The following IP6K2 variants were observed in gnomAD, a reference collection of about 807,000 sequenced individuals.
IP6K2 encodes the protein ATP:1D-myo-inositol-hexakisphosphate phosphotransferase.
A neutral mutation model predicts 43.3 loss-of-function variants in IP6K2; 9 were observed. The observed-to-expected ratio is 0.21, with a 90% CI of 0.13 to 0.36. The LOEUF (loss-of-function observed/expected upper bound fraction) is 0.36, where lower values mean the gene tolerates loss of function less well. Ranked by LOEUF, IP6K2 falls within the 10% of genes least tolerant of loss-of-function variation. The probability of loss-of-function intolerance (pLI) is 1.00; values close to 1 mark genes in which losing one functional copy is unlikely to be tolerated. For synonymous variants in IP6K2, 209 were observed against 202.4 expected, an observed-to-expected ratio of 1.03 and a Z score of -0.28; for missense variants, 332 against 538.4, an observed-to-expected ratio of 0.62 and a Z score of 3.79.
At chr3:48,705,638 G>A (rs916400232) in intron 1 of IP6K2, among the ~76,000 whole-genome samples, 1 of 150,118 alleles carries the variant, frequency 6.7e-6, no homozygotes, top group Non-Finnish European at 1.5e-5. Context: ...GGATGACAGA[G>A]CAGGACACTG....
Position 48,695,420 on chromosome 3 carries a change from T to C in IP6K2, c.-129A>G, listed in dbSNP as rs2078220765. ...TTGGCTTGTTCTGGCCAGGATGCTC[T>C]GCTGGAAGCAAACAAAATGATGACA... is the stretch of plus-strand genomic sequence containing the variant. On this transcript the variant is annotated splice_region_variant and 5_prime_UTR_variant, in exon 2 of 6. Coordinates refer to ENST00000328631, the MANE Select transcript of IP6K2 (RefSeq NM_016291.4). This position sits in a 1 kb window ranked among gnomAD's most constrained non-coding sequence, Gnocchi z 4.6. 2 of 1,425,400 alleles carry C rather than the reference T, an allele frequency of 1.4e-6. No homozygotes were observed. Among genetic ancestry groups the C allele is most frequent in the Admixed American group, 5.5e-5 (2 of 36,042 alleles). The allele number at this position is 1,425,400 out of a possible 1,614,324, so 88.3% of individuals were successfully genotyped here.
chr3:48,709,378 C>T (rs1038843499), intron 1 of IP6K2, among the ~76,000 whole-genome samples: 7 of 152,252 alleles, frequency 4.6e-5, no homozygotes, highest in African/African-American at 1.4e-4. Context: ...GTCCTTTCAA[C>T]ATCTCGCTTA....
chr3:48,714,366 CCTTT>C (rs1219835339), intron 1 of IP6K2, among the ~76,000 whole-genome samples: 3 of 151,770 alleles, frequency 2.0e-5, no homozygotes, highest in Non-Finnish European at 2.9e-5. Context: ...CACGCTCGGC[CCTTT>C]CTTTTTCCTT....
chr3:48,713,930 A>AAC (rs34549168), intron 1 of IP6K2, among the ~76,000 whole-genome samples: 20,236 of 151,954 alleles, frequency 0.13, 1,491 homozygotes, highest in African/African-American at 0.2. Context: ...CAGCCTGGCC[A>AAC]ACATGGTGAA....
intron 4 of IP6K2, 58 bp from the exon 5 acceptor site, chr3:48,689,771 C>G: frequency 6.8e-7 from 1 of 1,481,152 alleles, no homozygotes; most frequent in South Asian, 1.2e-5. Flanking sequence ...GTCCTTGGCA[C>G]TCTCAAGGTA....
At chr3:48,694,730 A>AC (rs1156868826) in intron 2 of IP6K2, 24 of 1,508,462 alleles carry the variant, frequency 1.6e-5, no homozygotes, top group Non-Finnish European at 1.8e-5. Flanking sequence ...GGAGGACAAA[A>AC]AGCAGGCGGC....
chr3:48,693,870 G>A, intron 2 of IP6K2: 1 of 1,192,240 alleles, frequency 8.4e-7, no homozygotes, highest in Non-Finnish European at 1.0e-6. Flanking sequence ...CAGACATGTG[G>A]TGGCCTTGAA....
intron 1 of IP6K2, among the ~76,000 whole-genome samples, chr3:48,710,350 C>T (rs1252005625): frequency 6.6e-6 from 1 of 152,206 alleles, no homozygotes; most frequent in African/African-American, 2.4e-5. Context: ...TGAGATTGTG[C>T]CACTGCACTC....
chr3:48,697,488 ATTTTTTT>A (rs35746542), intron 1 of IP6K2, among the ~76,000 whole-genome samples: 43 of 64,326 alleles, frequency 6.7e-4, no homozygotes, highest in South Asian at 2.1e-3. Context: ...ATGCCTGGCT[ATTTTTTT>A]TTTTTTTTTT....
At position 48,707,680 on chromosome 3, in the gene IP6K2, C is replaced by T. The variant is rs185240304; in HGVS notation, c.-131+9477G>A. Among the ~76,000 whole-genome samples, 139 of 152,154 alleles carry T rather than the reference C, an allele frequency of 9.1e-4. 1 individual carries two copies. Among genetic ancestry groups the T allele is most frequent in the Non-Finnish European group, 1.3e-3 (86 of 68,030 alleles). ...CTCAAACTCCCAGCCTCAGGTGATCCGCCCCCCTTGGCCTCCCAAAGTGCT... is the reference window on the plus strand; with the variant it reads ...CTCAAACTCCCAGCCTCAGGTGATCTGCCCCCCTTGGCCTCCCAAAGTGCT... On this transcript the variant is annotated intron_variant, in intron 1 of 5. Coordinates refer to ENST00000328631, the MANE Select transcript of IP6K2 (RefSeq NM_016291.4).
At chr3:48,702,163 A>G (rs1383727357) in intron 1 of IP6K2, among the ~76,000 whole-genome samples, 3 of 150,796 alleles carry the variant, frequency 2.0e-5, no homozygotes, top group Admixed American at 6.6e-5. Context: ...CCCAGGAGGC[A>G]GAGGTTGCAG....
At chr3:48,699,899 C>T (rs929935854) in intron 1 of IP6K2, 1 of 152,064 alleles carries the variant, frequency 6.6e-6, no homozygotes, top group African/African-American at 2.4e-5. Flanking sequence ...CAGAATACAA[C>T]AAAATATGGC....
At chr3:48,715,271 C>A in intron 1 of IP6K2, 2 of 1,535,508 alleles carry the variant, frequency 1.3e-6, no homozygotes, top group South Asian at 2.4e-5. Flanking sequence ...AAAATTCTTC[C>A]CCAGTGCATC....
At position 48,695,330 on chromosome 3, in the gene IP6K2, G is replaced by C; in HGVS notation, c.-39C>G. 6.3e-7 allele frequency: 1 copy of C among 1,585,596 alleles called. No individual in the cohort carries two copies. Among genetic ancestry groups the C allele is most frequent in the Non-Finnish European group, 8.6e-7 (1 of 1,165,108 alleles). ...ATGGCGGGGAGATGGGGGAGGCAGC[G>C]GAGTCCAGCGGCCAGTACGTCTTCT... On this transcript the variant is annotated 5_prime_UTR_variant, in exon 2 of 6. Transcript: ENST00000328631. The surrounding 1 kb of genome is among the most constrained non-coding windows in gnomAD (Gnocchi z 4.6).
At position 48,689,727 on chromosome 3, in the gene IP6K2, A is replaced by C; in HGVS notation, c.605-14T>G. 6.2e-7 allele frequency: 1 copy of C among 1,611,420 alleles called. No homozygotes were observed. Among genetic ancestry groups the C allele is most frequent in the African/African-American group, 1.3e-5 (1 of 74,998 alleles). ...GTAAGATAAATTCTGAGTAGTTAAG[A>C]ATAATACCCCCAAAAGGAAGTGCTA... is the stretch of plus-strand genomic sequence containing the variant. On this transcript the variant is annotated splice_polypyrimidine_tract_variant and intron_variant, in intron 4 of 5. Transcript: ENST00000328631.
At chr3:48,694,078 C>T in intron 2 of IP6K2, 7 of 1,466,050 alleles carry the variant, frequency 4.8e-6, no homozygotes. Flanking sequence ...CAGGGGAATG[C>T]GTGCTCAGAG....
chr3:48,688,327 C>T lies in IP6K2; in HGVS notation c.1227G>A (p.Gly409=). The change falls in exon 6 of 6, where the codon GGG becomes GGA. Residue 409 remains glycine (G), a synonymous_variant. Coordinates refer to ENST00000328631, the MANE Select transcript of IP6K2 (RefSeq NM_016291.4). The surrounding 1 kb of genome is among the most constrained non-coding windows in gnomAD (Gnocchi z 5.1). ...TGACAATGTCTATCAGGCTCTGGAG[C>T]CCGAAGATATAGCCAGCATCCTGGC... ...HEGQDAGYIF[G]LQSLIDIVTE... is the part of the protein sequence containing the mutation. 1.2e-6 allele frequency: 2 copies of T among 1,614,232 alleles called. No individual in the cohort carries two copies. The highest frequency in any genetic ancestry group is 1.7e-6 in the Non-Finnish European group (2 of 1,180,040).
intron 2 of IP6K2, chr3:48,694,032 C>T (rs1432710075): frequency 7.0e-6 from 10 of 1,425,056 alleles, no homozygotes; most frequent in Non-Finnish European, 9.2e-6. Flanking sequence ...CCTCTCTGCC[C>T]CAGCATCACT....
At position 48,688,460 on chromosome 3, in the gene IP6K2, C is replaced by T. The variant is rs1046234047; in HGVS notation, c.1094G>A (p.Gly365Asp). Residue 365 changes from glycine to aspartate, a missense_variant, in exon 6 of 6, where the codon GGT (glycine) becomes GAT (aspartate). Coordinates refer to ENST00000328631, the MANE Select transcript of IP6K2 (RefSeq NM_016291.4). The surrounding 1 kb of genome is among the most constrained non-coding windows in gnomAD (Gnocchi z 5.1). Reference sequence around the variant, plus strand: ...GCCGATGGGTTTGTAGGCATAGGCACCAGCAGACTCATCAGCTGATTCCTC... The same window carrying T: ...GCCGATGGGTTTGTAGGCATAGGCATCAGCAGACTCATCAGCTGATTCCTC... ...LSEESADESAGAYAYKPIGAS... is the reference protein window; with the variant it reads ...LSEESADESADAYAYKPIGAS... The T allele has an allele frequency of 9.9e-6, 16 of 1,614,200 alleles. No homozygotes were observed. In the African/African-American group the frequency reaches 1.7e-4, roughly 17 times the overall value.
Sources: allele counts gnomAD v4.1 joint callset (sites outside exome capture counted in the v4.1 genomes callset), GRCh38; gene constraint gnomAD v4.1.1; non-coding constraint Gnocchi (gnomAD v3.1); transcripts MANE v1.5; gene names NCBI Gene and HGNC (gene_info 2026-07-23, HGNC 2026-07-21).